Variants in UNC13C observed in about 807,000 individuals in gnomAD.
The protein encoded by UNC13C is unc-13 homolog C.
A neutral mutation model predicts 245.4 loss-of-function variants in UNC13C; 174 were observed. That is an observed-to-expected ratio of 0.71 (90% CI 0.63 to 0.80). The LOEUF (loss-of-function observed/expected upper bound fraction) is 0.80, where lower values mean the gene tolerates loss of function less well. UNC13C is among the 30% of genes least tolerant of loss of function. UNC13C has a pLI of 0.00. For missense variants in UNC13C, 2,829 were observed against 2,602.9 expected (o/e 1.09, Z -1.89); for synonymous variants, 992 against 895.1 (o/e 1.11, Z -1.93).
At chr15:54,450,475 C>T (rs896590149) in intron 19 of UNC13C, among the ~76,000 whole-genome samples, 4 of 152,196 alleles carry the variant, frequency 2.6e-5, no homozygotes, top group African/African-American at 7.2e-5. Flanking sequence ...CAATGGCGGG[C>T]GCCCCTTCTC....
chr15:54,237,504 C>T (rs1008279809), intron 6 of UNC13C, 115 bp from the exon 7 acceptor site: 1 of 803,354 alleles, frequency 1.2e-6, no homozygotes, highest in African/African-American at 1.7e-5. Context: ...CAGGTCCTTA[C>T]TAACTAAAAT....
At chr15:54,441,856 T>C (rs1890544393) in intron 19 of UNC13C, among the ~76,000 whole-genome samples, 1 of 152,142 alleles carries the variant, frequency 6.6e-6, no homozygotes, top group East Asian at 1.9e-4. Flanking sequence ...CATTTTCATT[T>C]GCTTTCATCA....
chr15:54,338,714 A>C (rs1351970029), intron 17 of UNC13C, among the ~76,000 whole-genome samples: 1 of 152,202 alleles, frequency 6.6e-6, no homozygotes, highest in African/African-American at 2.4e-5. Context: ...ATATTATTTA[A>C]GGTTTTAGCT....
At chr15:53,936,654 G>A in the UNC13C span, among the ~76,000 whole-genome samples, 1 of 152,188 alleles carries the variant, frequency 6.6e-6, no homozygotes, top group African/African-American at 2.4e-5. Context: ...CTGGGACAGA[G>A]CTCCCAGAGG....
At chr15:54,181,812 C>G (rs1212640955) in intron 4 of UNC13C, among the ~76,000 whole-genome samples, 3 of 151,778 alleles carry the variant, frequency 2.0e-5, no homozygotes, top group Non-Finnish European at 4.4e-5. Context: ...TGGTATTGCA[C>G]TCTTGATTTG....
intron 19 of UNC13C, among the ~76,000 whole-genome samples, chr15:54,491,693 T>G (rs1379678859): frequency 5.3e-5 from 8 of 152,148 alleles, no homozygotes; most frequent in Non-Finnish European, 1.0e-4. Context: ...CTTTCATTAT[T>G]TTCTGTTTTT....
Position 53,993,708 on chromosome 15 carries a change from G to A in UNC13C, c.-257+14781G>A, listed in dbSNP as rs115423451. On this transcript the variant is annotated intron_variant, in intron 1 of 32. Transcript: ENST00000260323. ...ATATTCTAATTGTTATTGTTGTTGT[G>A]TTTTTTTAATCTGCAACGTTTTAGA... Among the ~76,000 whole-genome samples the A allele has an allele frequency of 3.8e-3, 584 of 152,058 alleles. 6 individuals are homozygous for A. Among genetic ancestry groups the A allele is most frequent in the African/African-American group, 0.014 (575 of 41,486 alleles).
At chr15:54,455,167 C>CTCTCTCTCTCTCTCTCTCTCTCTA (rs1567288698) in intron 19 of UNC13C, among the ~76,000 whole-genome samples, 237 of 18,492 alleles carry the variant, frequency 0.013, 32 homozygotes, top group Non-Finnish European at 0.016. Flanking sequence ...TCATATTCCT[C>CTCTCTCTCTCTCTCTCTCTCTCTA]TCTCTCTCTC....
At position 53,978,745 on chromosome 15, in the gene UNC13C, C is replaced by G. The variant is rs1478702206; in HGVS notation, c.-439C>G. 2.6e-5 allele frequency among the ~76,000 whole-genome samples: 4 copies of G among 152,114 alleles called. No homozygotes were observed. The highest frequency in any genetic ancestry group is 2.6e-4 in the Admixed American group (4 of 15,272). On this transcript the variant is annotated 5_prime_UTR_variant, in exon 1 of 33. Transcript: ENST00000260323. ...GCAGACCAAGGCATGCCTGATTGCA[C>G]GAGTCGGATCCCTGGGACGCAGCTT... is the stretch of plus-strand genomic sequence containing the variant.
intron 10 of UNC13C, among the ~76,000 whole-genome samples, chr15:54,287,536 A>C (rs2140926583): frequency 6.6e-6 from 1 of 152,316 alleles, no homozygotes; most frequent in South Asian, 2.1e-4. Context: ...TTCAGATATA[A>C]GTATGGTAAC....
At chr15:54,586,854 T>A (rs973480843) in intron 30 of UNC13C, among the ~76,000 whole-genome samples, 6 of 152,220 alleles carry the variant, frequency 3.9e-5, no homozygotes, top group African/African-American at 1.2e-4. Flanking sequence ...GTTGCATTCC[T>A]GATAATTTGG....
chr15:54,542,228 A>T (rs1002509935), intron 26 of UNC13C, among the ~76,000 whole-genome samples: 1 of 152,000 alleles, frequency 6.6e-6, no homozygotes, highest in Admixed American at 6.6e-5. Flanking sequence ...CAAAGAACTT[A>T]TTTATTTCTG....
At chr15:53,881,434 A>G in the UNC13C span, among the ~76,000 whole-genome samples, 3 of 152,224 alleles carry the variant, frequency 2.0e-5, no homozygotes, top group African/African-American at 7.2e-5. Context: ...TTGAAATCAA[A>G]TTCATGTAAA....
intron 17 of UNC13C, among the ~76,000 whole-genome samples, chr15:54,359,452 C>T (rs994799953): frequency 6.6e-6 from 1 of 151,840 alleles, no homozygotes; most frequent in African/African-American, 2.4e-5. Context: ...TATTTATTAG[C>T]CGTGAAGCCA....
Position 54,575,114 on chromosome 15 carries a change from C to A in UNC13C, c.6106+7167C>A, listed in dbSNP as rs555287624. On this transcript the variant is annotated intron_variant, in intron 30 of 32. Coordinates refer to ENST00000260323, the MANE Select transcript of UNC13C (RefSeq NM_001080534.3). ...GCAGTGGCATAATCTCGACTCACTG[C>A]AACCTCCACCTCCTGGGTTCAAGTG... Among the ~76,000 whole-genome samples the A allele has an allele frequency of 3.7e-4, 56 of 152,296 alleles. 2 individuals are homozygous for A. The highest frequency in any genetic ancestry group is 3.2e-3 in the Admixed American group (49 of 15,304).
At chr15:54,514,540 G>A (rs554485033) in intron 24 of UNC13C, among the ~76,000 whole-genome samples, 8 of 152,322 alleles carry the variant, frequency 5.3e-5, no homozygotes, top group African/African-American at 1.9e-4. Flanking sequence ...GCTCAAAATG[G>A]TTTTTAATGC....
intron 10 of UNC13C, among the ~76,000 whole-genome samples, chr15:54,285,024 T>G (rs2037105870): frequency 6.6e-6 from 1 of 152,134 alleles, no homozygotes; most frequent in South Asian, 2.1e-4. Context: ...TATAAGGTCA[T>G]ATTTTGCCCT....
At chr15:54,194,496 T>G (rs2034288730) in intron 4 of UNC13C, among the ~76,000 whole-genome samples, 1 of 152,194 alleles carries the variant, frequency 6.6e-6, no homozygotes, top group Admixed American at 6.6e-5. Flanking sequence ...TAAATGAAGT[T>G]TTAAGGTTGA....
At chr15:53,913,797 C>G in the UNC13C span, 1 of 152,210 alleles carries the variant, frequency 6.6e-6, no homozygotes, top group Non-Finnish European at 1.5e-5. Context: ...GAAGGGCATT[C>G]TCCCATTCCT....
Sources: allele counts gnomAD v4.1 joint callset (sites outside exome capture counted in the v4.1 genomes callset), GRCh38; gene constraint gnomAD v4.1.1; transcripts MANE v1.5; gene names NCBI Gene and HGNC (gene_info 2026-07-23, HGNC 2026-07-21).